Variants in SLC22A4 observed in about 807,000 individuals in gnomAD.
SLC22A4 encodes ET transporter.
Under a neutral mutation model 56.6 loss-of-function variants are expected in SLC22A4, and 39 were observed. That is an observed-to-expected ratio of 0.69 (90% CI 0.53 to 0.90). The LOEUF is 0.90. Among genes scored for constraint, SLC22A4 ranks in the 40% least tolerant of loss-of-function variants. The pLI is 0.00. For missense variants in SLC22A4, 594 were observed against 696.5 expected (o/e 0.85, Z 1.66); for synonymous variants, 241 against 281.4 (o/e 0.86, Z 1.44).
At chr5:132,312,334 C>A in intron 2 of SLC22A4, 70 bp downstream of exon 2, 1 of 993,624 alleles carries the variant, frequency 1.0e-6, no homozygotes, top group Non-Finnish European at 1.6e-6. Context: ...TGGGGCTGGA[C>A]TGAATTCAGG....
chr5:132,316,401 C>G (rs1043759785), intron 3 of SLC22A4, among the ~76,000 whole-genome samples: 1 of 152,132 alleles, frequency 6.6e-6, no homozygotes, highest in African/African-American at 2.4e-5. Flanking sequence ...GGACACTAAC[C>G]CTACCCACGT....
chr5:132,337,326 G>A (rs1751055766), intron 8 of SLC22A4, among the ~76,000 whole-genome samples: 1 of 137,780 alleles, frequency 7.3e-6, no homozygotes. Flanking sequence ...GTGTAGTGGT[G>A]CGATCCTAGA....
chr5:132,310,076 C>T (rs2126708435), intron 1 of SLC22A4, among the ~76,000 whole-genome samples: 2 of 152,352 alleles, frequency 1.3e-5, no homozygotes, highest in Middle Eastern at 6.8e-3. Context: ...GGGTAATTGT[C>T]TCCTGGTATC....
Position 132,313,715 on chromosome 5 carries a change from T to C in SLC22A4, c.599T>C (p.Phe200Ser), listed in dbSNP as rs752392368. Residue 200 changes from phenylalanine to serine, a missense_variant, in exon 3 of 10, where the codon TTT becomes TCT. Coordinates refer to ENST00000200652, the MANE Select transcript of SLC22A4 (RefSeq NM_003059.3). The stretch of plus-strand genomic sequence containing the variant: ...AGCTGGGAGATGTTCACTGTGTTAT[T>C]TGTCATCGTGGGCATGGGCCAGATC... The part of the protein sequence containing the change: ...SISWEMFTVL[F>S]VIVGMGQISN... 1 of 1,614,242 alleles carries C rather than the reference T, an allele frequency of 6.2e-7. No homozygotes were observed. The highest frequency in any genetic ancestry group is 8.5e-7 in the Non-Finnish European group (1 of 1,180,022).
At chr5:132,329,655 G>T (rs997437903) in intron 5 of SLC22A4, among the ~76,000 whole-genome samples, 1 of 152,174 alleles carries the variant, frequency 6.6e-6, no homozygotes, top group African/African-American at 2.4e-5. Context: ...GATAGGAAAA[G>T]ATATAGAGTA....
intron 6 of SLC22A4, among the ~76,000 whole-genome samples, chr5:132,333,219 G>T (rs147759667): frequency 5.5e-4 from 84 of 152,342 alleles, no homozygotes; most frequent in African/African-American, 1.9e-3. Flanking sequence ...TAGTGCAGTT[G>T]TAACAAAAAC....
chr5:132,333,235 T>C (rs1262584793), intron 6 of SLC22A4, among the ~76,000 whole-genome samples: 2 of 152,228 alleles, frequency 1.3e-5, no homozygotes, highest in Non-Finnish European at 2.9e-5. Context: ...AAAACTCAGG[T>C]TCAGTCACTC....
intron 6 of SLC22A4, 94 bp downstream of exon 6, chr5:132,331,944 T>A: frequency 1.2e-6 from 1 of 841,706 alleles, no homozygotes; most frequent in Non-Finnish European, 2.1e-6. Context: ...AACGACTGGG[T>A]TTTCCTGAGG....
At chr5:132,331,084 G>T (rs1446352278) in intron 5 of SLC22A4, among the ~76,000 whole-genome samples, 1 of 152,194 alleles carries the variant, frequency 6.6e-6, no homozygotes, top group Non-Finnish European at 1.5e-5. Context: ...GGTAATCCCA[G>T]CACTTTGGGA....
chr5:132,340,224 T>C (rs948740863), intron 8 of SLC22A4, among the ~76,000 whole-genome samples: 2 of 151,950 alleles, frequency 1.3e-5, no homozygotes, highest in Non-Finnish European at 2.9e-5. Flanking sequence ...CTTGATGTCC[T>C]CCCATCCCCC....
In SLC22A4 at chr5:132,340,639, T is replaced by C; in HGVS notation, c.1519T>C (p.Phe507Leu). 1 of 1,614,024 alleles carries C rather than the reference T, an allele frequency of 6.2e-7. No homozygotes were observed. The highest frequency in any genetic ancestry group is 1.7e-5 in the Admixed American group (1 of 60,014). The change falls in exon 9 of 10, where the codon TTC becomes CTC. Residue 507 changes from phenylalanine (F) to leucine (L), a missense_variant. Phe to Leu is a conservative substitution (Grantham distance 22). Transcript: ENST00000200652. ...TVLIGILTLF[F>L]PESLGMTLPE... ...CCTGATTGGAATCCTCACCCTTTTT[T>C]TCCCTGAAAGTTTGGGAATGACTCT...
chr5:132,324,068 T>C (rs1362809436), intron 4 of SLC22A4, among the ~76,000 whole-genome samples: 1 of 152,114 alleles, frequency 6.6e-6, no homozygotes, highest in Non-Finnish European at 1.5e-5. Context: ...GGTGAGCGCC[T>C]GTAGTCCCAG....
intron 1 of SLC22A4, among the ~76,000 whole-genome samples, chr5:132,304,392 G>A (rs1444124418): frequency 6.6e-6 from 1 of 152,200 alleles, no homozygotes; most frequent in East Asian, 1.9e-4. Context: ...CAAGGCGGGT[G>A]GATCACCTGA....
At chr5:132,295,318 G>A in intron 1 of SLC22A4, 1 of 596,842 alleles carries the variant, frequency 1.7e-6, no homozygotes, top group South Asian at 1.5e-5. Flanking sequence ...GGGAAGCGCA[G>A]CCCCAGGCTA....
At chr5:132,325,477 G>T (rs1750664109) in intron 4 of SLC22A4, among the ~76,000 whole-genome samples, 1 of 152,154 alleles carries the variant, frequency 6.6e-6, no homozygotes, top group East Asian at 1.9e-4. Flanking sequence ...GTTCCTATAG[G>T]GACCCACTAA....
intron 9 of SLC22A4, among the ~76,000 whole-genome samples, chr5:132,342,272 C>T (rs1308105491): frequency 6.6e-6 from 1 of 152,134 alleles, no homozygotes; most frequent in East Asian, 1.9e-4. Context: ...GAGAAAAAGA[C>T]AAACAATTCA....
At chr5:132,312,298 T>C (rs762899181) in intron 2 of SLC22A4, 34 bp downstream of exon 2, 12 of 1,311,234 alleles carry the variant, frequency 9.2e-6, no homozygotes, top group Middle Eastern at 1.8e-4. Context: ...GGTGGGATGG[T>C]GCCCCTTGTC....
chr5:132,313,824 GAAAGAGGA>G (rs1750255859), intron 3 of SLC22A4, 56 bp downstream of exon 3: 3 of 1,555,344 alleles, frequency 1.9e-6, no homozygotes, highest in Non-Finnish European at 1.8e-6. Flanking sequence ...GAAAGGCCCA[GAAAGAGGA>G]AATCATTGGG....
chr5:132,337,275 T>C (rs112569513), intron 8 of SLC22A4, among the ~76,000 whole-genome samples: 500 of 43,548 alleles, frequency 0.011, 7 homozygotes, highest in African/African-American at 0.023. Context: ...TTACCTTTTT[T>C]TTTTTTTTTT....
Sources: allele counts gnomAD v4.1 joint callset (sites outside exome capture counted in the v4.1 genomes callset), GRCh38; gene constraint gnomAD v4.1.1; transcripts MANE v1.5; gene names NCBI Gene and HGNC (gene_info 2026-07-23, HGNC 2026-07-21).